Variants in XRN2 observed in about 807,000 individuals in gnomAD.
The protein encoded by XRN2 is 5'-3' exoribonuclease 2, also known as DHM1-like protein.
In XRN2, 44 loss-of-function variants were observed where a neutral mutation model predicts 138.5. That is an observed-to-expected ratio of 0.32 (90% CI 0.25 to 0.41). XRN2 has a LOEUF of 0.41. Among genes scored for constraint, XRN2 ranks in the 10% least tolerant of loss-of-function variants. The pLI is 1.00. For synonymous variants in XRN2, 354 were observed against 369.4 expected, an observed-to-expected ratio of 0.96 and a Z score of 0.48; for missense variants, 937 against 1,169.3, an observed-to-expected ratio of 0.80 and a Z score of 2.90.
Position 21,375,349 on chromosome 20 carries a change from T to G in XRN2, c.2585-6645T>G, listed in dbSNP as rs551845121. On this transcript the variant is annotated intron_variant, in intron 27 of 29. Transcript: ENST00000377191. ...TCTTCATTATTCTCTTCTACTTTTT[T>G]GGGGGATTAAATTGGCATTCTTTTT... Among the ~76,000 whole-genome samples, 33 of 152,056 alleles carry G rather than the reference T, an allele frequency of 2.2e-4. No homozygotes were observed. In the East Asian group the frequency reaches 5.2e-3, roughly 24 times the overall value.
At chr20:21,372,515 A>G (rs1271424929) in intron 27 of XRN2, among the ~76,000 whole-genome samples, 1 of 152,226 alleles carries the variant, frequency 6.6e-6, no homozygotes, top group African/African-American at 2.4e-5. Flanking sequence ...TAACTACAGT[A>G]CATGTTAATT....
chr20:21,361,177 C>T (rs980093623), intron 24 of XRN2, among the ~76,000 whole-genome samples: 1 of 152,220 alleles, frequency 6.6e-6, no homozygotes, highest in South Asian at 2.1e-4. Flanking sequence ...GTATTTTCTT[C>T]TTACCAGCAG....
chr20:21,319,111 A>C (rs2038002510), intron 1 of XRN2, among the ~76,000 whole-genome samples: 1 of 152,032 alleles, frequency 6.6e-6, no homozygotes, highest in Non-Finnish European at 1.5e-5. Context: ...TGATGGATTT[A>C]CTTTTTATCG....
chr20:21,381,344 T>G (rs1454379105), intron 27 of XRN2, among the ~76,000 whole-genome samples: 1 of 152,242 alleles, frequency 6.6e-6, no homozygotes, highest in Non-Finnish European at 1.5e-5. Flanking sequence ...CAGATGTTTC[T>G]TTCATCCTAT....
At chr20:21,308,858 T>C (rs1241068158) in intron 1 of XRN2, among the ~76,000 whole-genome samples, 1 of 152,190 alleles carries the variant, frequency 6.6e-6, no homozygotes, top group African/African-American at 2.4e-5. Context: ...ATATTTCTGC[T>C]TTTTGTATTT....
chr20:21,309,037 G>A (rs2037842088), intron 1 of XRN2, among the ~76,000 whole-genome samples: 1 of 152,132 alleles, frequency 6.6e-6, no homozygotes, highest in African/African-American at 2.4e-5. Flanking sequence ...TGATCATGTT[G>A]TATTATTTTT....
At position 21,389,534 on chromosome 20, in the gene XRN2, A is replaced by G. The variant is rs879920326; in HGVS notation, c.*196A>G. On this transcript the variant is annotated 3_prime_UTR_variant, in exon 30 of 30. Transcript: ENST00000377191. Reference sequence around the variant, plus strand: ...AGATGTATGTTGCATAATACAGTGGATCTGAATTTATTATTGCTTATAAAA... The same window carrying G: ...AGATGTATGTTGCATAATACAGTGGGTCTGAATTTATTATTGCTTATAAAA... 33 of 465,100 alleles carry G rather than the reference A, an allele frequency of 7.1e-5. No individual in the cohort carries two copies. The highest frequency in any genetic ancestry group is 1.2e-4 in the Non-Finnish European group (31 of 266,786). 28.8% of individuals were successfully genotyped at this position (465,100 alleles called of 1,614,324 possible).
At position 21,328,689 on chromosome 20, in the gene XRN2, G is replaced by A; in HGVS notation, c.427+19G>A. ...GCAAAAGGTAAAGAATATGCATCTT[G>A]AAGTTGGATTTTTTCATAAGATGTA... On this transcript the variant is annotated intron_variant, in intron 4 of 29. Transcript: ENST00000377191. 1.2e-6 allele frequency: 2 copies of A among 1,607,336 alleles called. No individual in the cohort carries two copies. The highest frequency in any genetic ancestry group is 1.7e-4 in the Middle Eastern group (1 of 6,042).
chr20:21,371,475 T>C (rs2038760578), intron 27 of XRN2, among the ~76,000 whole-genome samples: 1 of 152,216 alleles, frequency 6.6e-6, no homozygotes, highest in African/African-American at 2.4e-5. Context: ...GGAATCTGCT[T>C]GGTGCAGTGG....
chr20:21,322,229 T>C (rs2038056092), intron 1 of XRN2, among the ~76,000 whole-genome samples: 2 of 152,212 alleles, frequency 1.3e-5, no homozygotes, highest in South Asian at 4.1e-4. Flanking sequence ...TAATTATTAG[T>C]CCTCATTCAC....
At chr20:21,342,710 G>A (rs2038387678) in intron 15 of XRN2, among the ~76,000 whole-genome samples, 2 of 152,228 alleles carry the variant, frequency 1.3e-5, no homozygotes, top group African/African-American at 4.8e-5. Flanking sequence ...TCTTTCACAT[G>A]TATTGATGCA....
intron 13 of XRN2, among the ~76,000 whole-genome samples, chr20:21,338,506 G>C (rs756057440): frequency 6.6e-6 from 1 of 152,054 alleles, no homozygotes; most frequent in African/African-American, 2.4e-5. Context: ...GCCAGGGTGA[G>C]GGATAATGTT....
chr20:21,389,186 G>C, intron 29 of XRN2, 87 bp from the exon 30 acceptor site: 1 of 1,173,580 alleles, frequency 8.5e-7, no homozygotes, highest in Non-Finnish European at 1.2e-6. Flanking sequence ...GTTTCCTTAT[G>C]ATGTGTTTTT....
intron 26 of XRN2, among the ~76,000 whole-genome samples, chr20:21,366,434 G>A (rs1288816397): frequency 6.6e-6 from 1 of 150,846 alleles, no homozygotes; most frequent in Non-Finnish European, 1.5e-5. Flanking sequence ...CCTGGCGCCT[G>A]TAGACCCAGC....
chr20:21,373,515 G>T (rs1470694905), intron 27 of XRN2, among the ~76,000 whole-genome samples: 1 of 152,174 alleles, frequency 6.6e-6, no homozygotes, highest in African/African-American at 2.4e-5. Flanking sequence ...AGGATTGTGT[G>T]TATGTTCAGC....
intron 24 of XRN2, among the ~76,000 whole-genome samples, chr20:21,361,077 C>A (rs1187947437): frequency 6.6e-6 from 1 of 152,134 alleles, no homozygotes; most frequent in Non-Finnish European, 1.5e-5. Flanking sequence ...AACAGTAATA[C>A]TTAAAATAGC....
chr20:21,305,166 G>C (rs553011508), intron 1 of XRN2, among the ~76,000 whole-genome samples: 1 of 152,158 alleles, frequency 6.6e-6, no homozygotes, highest in Non-Finnish European at 1.5e-5. Context: ...CTGTAGGCTT[G>C]CTGGAAAGCT....
At chr20:21,359,409 G>T (rs888154796) in intron 24 of XRN2, among the ~76,000 whole-genome samples, 26 of 151,860 alleles carry the variant, frequency 1.7e-4, no homozygotes, top group Admixed American at 1.4e-3. Context: ...GGTGGTGCAT[G>T]CCTATAGTCC....
intron 13 of XRN2, among the ~76,000 whole-genome samples, chr20:21,335,763 C>T (rs773810899): frequency 2.6e-5 from 4 of 152,136 alleles, no homozygotes; most frequent in Non-Finnish European, 5.9e-5. Context: ...TCTCTTTAGC[C>T]GACTCTGCAC....
Sources: allele counts gnomAD v4.1 joint callset (sites outside exome capture counted in the v4.1 genomes callset), GRCh38; gene constraint gnomAD v4.1.1; transcripts MANE v1.5; gene names NCBI Gene and HGNC (gene_info 2026-07-23, HGNC 2026-07-21).